The following PFKFB3 variants were observed in gnomAD, a reference collection of about 807,000 sequenced individuals.
PFKFB3 encodes 6-phosphofructo-2-kinase/fructose-2,6-biphosphatase 3, also known as 6-phosphofructo-2-kinase/fructose-2,6-bisphosphatase 3.
PFKFB3 carries 33 observed loss-of-function variants against 68.0 expected under a neutral mutation model. The observed-to-expected ratio is 0.49, with a 90% confidence interval of 0.37 to 0.65. The LOEUF (loss-of-function observed/expected upper bound fraction) is 0.65. Among genes scored for constraint, PFKFB3 ranks in the 30% least tolerant of loss-of-function variants. The pLI is 0.00. For synonymous variants in PFKFB3, 315 were observed against 288.2 expected (o/e 1.09, Z -0.94); for missense variants, 586 against 712.2 (o/e 0.82, Z 2.02).
intron 12 of PFKFB3, 30 bp downstream of exon 12, chr10:6,224,050 C>A (rs750036036): frequency 2.5e-5 from 41 of 1,613,414 alleles, no homozygotes; most frequent in Admixed American, 1.2e-4. Context: ...AAGCCCTGTC[C>A]CCCTGAAGGT....
intron 14 of PFKFB3, among the ~76,000 whole-genome samples, chr10:6,227,580 G>A (rs928123682): frequency 6.6e-6 from 1 of 152,224 alleles, no homozygotes; most frequent in African/African-American, 2.4e-5. Flanking sequence ...ATCAGATGAG[G>A]GGATTCATGC....
chr10:6,190,638 C>CA (rs60942575), intron 1 of PFKFB3, among the ~76,000 whole-genome samples: 2 of 152,008 alleles, frequency 1.3e-5, no homozygotes, highest in Non-Finnish European at 1.5e-5. Context: ...CCCATCCCTA[C>CA]AAAAAAACAA....
At chr10:6,274,766 G>C in the PFKFB3 span, among the ~76,000 whole-genome samples, 1 of 152,032 alleles carries the variant, frequency 6.6e-6, no homozygotes, top group African/African-American at 2.4e-5. Context: ...AGCCCGGGTG[G>C]TCGAGGTTGC....
chr10:6,160,231 C>A (rs966584159), intron 1 of PFKFB3, among the ~76,000 whole-genome samples: 1 of 152,034 alleles, frequency 6.6e-6, no homozygotes, highest in African/African-American at 2.4e-5. Context: ...CACTTAATGT[C>A]AATAATTGAG....
At chr10:6,242,600 T>C (rs1355312423) in intron 14 of PFKFB3, among the ~76,000 whole-genome samples, 1 of 152,066 alleles carries the variant, frequency 6.6e-6, no homozygotes, top group Non-Finnish European at 1.5e-5. Context: ...ACATTTTTTT[T>C]TTTTTGAGAC....
chr10:6,163,033 C>T (rs1842012168), intron 1 of PFKFB3, among the ~76,000 whole-genome samples: 2 of 152,194 alleles, frequency 1.3e-5, no homozygotes, highest in South Asian at 2.1e-4. Context: ...TCTCCTTCCC[C>T]CGTCCCATAA....
intron 1 of PFKFB3, among the ~76,000 whole-genome samples, chr10:6,195,427 T>G (rs182070059): frequency 7.9e-4 from 120 of 152,334 alleles, no homozygotes; most frequent in African/African-American, 2.8e-3. Flanking sequence ...GCTACTCATG[T>G]TCTAGGACAT....
chr10:6,307,954 G>T, the PFKFB3 span, among the ~76,000 whole-genome samples: 1 of 152,054 alleles, frequency 6.6e-6, no homozygotes, highest in African/African-American at 2.4e-5. Context: ...AACAAGTTCT[G>T]CCCCCTTCCC....
chr10:6,206,960 A>G (rs1218658764), intron 1 of PFKFB3, among the ~76,000 whole-genome samples: 2 of 148,424 alleles, frequency 1.3e-5, no homozygotes, highest in African/African-American at 2.5e-5. Flanking sequence ...CAGACTGGGC[A>G]GCCAGGCAGA....
chr10:6,207,355 C>G (rs572283396), intron 1 of PFKFB3, among the ~76,000 whole-genome samples: 4 of 152,344 alleles, frequency 2.6e-5, no homozygotes, highest in Non-Finnish European at 5.9e-5. Context: ...GAGAATCAGG[C>G]AGGGAGGTTG....
chr10:6,260,028 G>A, the PFKFB3 span, among the ~76,000 whole-genome samples: 1 of 152,062 alleles, frequency 6.6e-6, no homozygotes, highest in Non-Finnish European at 1.5e-5. Context: ...TTTTTATGGT[G>A]AAGTACAACA....
the PFKFB3 span, among the ~76,000 whole-genome samples, chr10:6,325,850 C>A: frequency 6.6e-6 from 1 of 152,164 alleles, no homozygotes; most frequent in South Asian, 2.1e-4. Context: ...ACACGTACAT[C>A]AATGGTTATC....
downstream of PFKFB3, among the ~76,000 whole-genome samples, chr10:6,259,345 T>C (rs1172433817): frequency 7.0e-6 from 1 of 142,938 alleles, no homozygotes; most frequent in Non-Finnish European, 1.5e-5. Context: ...CATCCATCCA[T>C]CTACCCATCC....
chr10:6,155,687 A>G (rs1484292491), intron 1 of PFKFB3, among the ~76,000 whole-genome samples: 1 of 152,004 alleles, frequency 6.6e-6, no homozygotes, highest in East Asian at 1.9e-4. Context: ...TTCACTTCCA[A>G]ATCAGGATAC....
the PFKFB3 span, among the ~76,000 whole-genome samples, chr10:6,283,419 G>A: frequency 2.0e-5 from 3 of 152,176 alleles, no homozygotes; most frequent in East Asian, 5.8e-4. Context: ...ATGGTGAGGA[G>A]GCCTGGCCAT....
chr10:6,266,238 A>G, the PFKFB3 span, among the ~76,000 whole-genome samples: 2 of 152,236 alleles, frequency 1.3e-5, no homozygotes, highest in South Asian at 2.1e-4. Context: ...ATTGATTCCT[A>G]TTATATTTAA....
intron 1 of PFKFB3, among the ~76,000 whole-genome samples, chr10:6,177,242 G>C (rs925332775): frequency 2.0e-5 from 3 of 152,194 alleles, no homozygotes; most frequent in Non-Finnish European, 4.4e-5. Flanking sequence ...TTCAGAACCT[G>C]CCTGCTGACT....
chr10:6,244,561 C>G (rs1846213079), intron 14 of PFKFB3, among the ~76,000 whole-genome samples: 1 of 152,068 alleles, frequency 6.6e-6, no homozygotes, highest in African/African-American at 2.4e-5. Context: ...ACACCTTAGC[C>G]CAGTTGAGAA....
In PFKFB3 at chr10:6,221,512, C is replaced by T; in HGVS notation, c.963C>T (p.Leu321=). 1 of 1,613,284 alleles carries T rather than the reference C, an allele frequency of 6.2e-7. No individual in the cohort carries two copies. Among genetic ancestry groups the T allele is most frequent in the Non-Finnish European group, 8.5e-7 (1 of 1,179,978 alleles). ...TGCCCTACGAGCAGTGGAAGGCGCT[C>T]AATGAGATCGACGCGGTGAGTCCTG... ...LRLPYEQWKA[L]NEIDAGVCEE... Residue 321 remains leucine, a synonymous_variant, in exon 9 of 15, where the codon CTC becomes CTT. Transcript: ENST00000379775.
Sources: gnomAD v4.1 joint callset for allele counts (sites outside exome capture counted in the v4.1 genomes callset) on GRCh38, gnomAD v4.1.1 for gene constraint, MANE v1.5 for transcripts, NCBI Gene and HGNC (gene_info 2026-07-23, HGNC 2026-07-21) for gene names.